Variants in ROBO2 observed in about 807,000 individuals in gnomAD.
The protein encoded by ROBO2 is roundabout homolog 2.
In ROBO2, 53 loss-of-function variants were observed where a neutral mutation model predicts 160.8. That is an observed-to-expected ratio of 0.33 (90% CI 0.26 to 0.41). ROBO2 has a LOEUF of 0.41. Among genes scored for constraint, ROBO2 ranks in the 10% least tolerant of loss-of-function variants. The probability of loss-of-function intolerance (pLI) is 1.00; values close to 1 mark genes in which losing one functional copy is unlikely to be tolerated. For synonymous variants in ROBO2, 664 were observed against 611.7 expected (o/e 1.09, Z -1.26); for missense variants, 1,577 against 1,722.4 (o/e 0.92, Z 1.49).
At chr3:77,304,702 G>A (rs1251329913) in intron 2 of ROBO2, among the ~76,000 whole-genome samples, 4 of 152,242 alleles carry the variant, frequency 2.6e-5, no homozygotes, top group African/African-American at 9.6e-5. Context: ...TTTAATAAGT[G>A]TTTTATGGAC....
At chr3:76,248,599 A>G (rs1406212951) in intron 2 of ROBO2, among the ~76,000 whole-genome samples, 1 of 151,750 alleles carries the variant, frequency 6.6e-6, no homozygotes, top group East Asian at 2.0e-4. Flanking sequence ...TATGTAACTA[A>G]CCTGCACAAT....
intron 2 of ROBO2, among the ~76,000 whole-genome samples, chr3:76,840,227 G>T (rs541406516): frequency 8.0e-4 from 120 of 150,598 alleles, no homozygotes; most frequent in African/African-American, 2.8e-3. Flanking sequence ...TCCGATTTTG[G>T]GTTTGGTTGC....
chr3:77,212,608 C>G (rs2084333976), intron 2 of ROBO2, among the ~76,000 whole-genome samples: 1 of 152,126 alleles, frequency 6.6e-6, no homozygotes. Context: ...ACTTCCAACA[C>G]TATGTTGAAT....
chr3:76,393,390 T>C (rs1199820024), intron 2 of ROBO2, among the ~76,000 whole-genome samples: 1 of 152,142 alleles, frequency 6.6e-6, no homozygotes, highest in African/African-American at 2.4e-5. Context: ...TAAAATTTCA[T>C]TGTAGAAAAT....
intron 2 of ROBO2, among the ~76,000 whole-genome samples, chr3:76,687,842 T>C (rs1197453672): frequency 6.6e-6 from 1 of 152,046 alleles, no homozygotes; most frequent in African/African-American, 2.4e-5. Context: ...CCATATTCTA[T>C]AGCCAATATT....
chr3:76,760,920 CT>C (rs1228328752), intron 2 of ROBO2, among the ~76,000 whole-genome samples: 2 of 150,236 alleles, frequency 1.3e-5, no homozygotes, highest in African/African-American at 4.9e-5. Flanking sequence ...AACCTTGTAT[CT>C]TTTTTTTATA....
chr3:77,213,284 A>G (rs1478276025), intron 2 of ROBO2, among the ~76,000 whole-genome samples: 7 of 152,038 alleles, frequency 4.6e-5, no homozygotes, highest in African/African-American at 1.4e-4. Context: ...CAGAGATTCA[A>G]CTTCTTCCTG....
chr3:77,057,569 A>ATTTTTTTTTTTTTTTTTTTTTTTT (rs71104648), intron 1 of ROBO2, among the ~76,000 whole-genome samples: 1 of 105,272 alleles, frequency 9.5e-6, no homozygotes. Flanking sequence ...ATTCCAGAGG[A>ATTTTTTTTTTTTTTTTTTTTTTTT]TTTTTTTTTT....
chr3:77,171,519 A>G (rs1035372532), intron 2 of ROBO2, among the ~76,000 whole-genome samples: 1 of 152,222 alleles, frequency 6.6e-6, no homozygotes, highest in East Asian at 1.9e-4. Flanking sequence ...TGGAAAGTAG[A>G]TATTTGTATT....
intron 2 of ROBO2, among the ~76,000 whole-genome samples, chr3:76,096,492 C>T (rs1369115805): frequency 6.6e-6 from 1 of 152,086 alleles, no homozygotes; most frequent in Non-Finnish European, 1.5e-5. Context: ...GAAGGATTTT[C>T]AGCATGATTC....
chr3:77,125,147 T>C (rs577076730), intron 2 of ROBO2, among the ~76,000 whole-genome samples: 1 of 152,308 alleles, frequency 6.6e-6, no homozygotes, highest in Non-Finnish European at 1.5e-5. Flanking sequence ...CTTTCTTTGC[T>C]ATGAAACCTG....
intron 2 of ROBO2, among the ~76,000 whole-genome samples, chr3:76,586,783 T>G (rs903696386): frequency 6.6e-6 from 1 of 152,214 alleles, no homozygotes; most frequent in East Asian, 1.9e-4. Context: ...GGTTTTACTT[T>G]AAGCTAAAGT....
intron 2 of ROBO2, among the ~76,000 whole-genome samples, chr3:76,036,724 G>C (rs961722729): frequency 2.0e-5 from 3 of 151,174 alleles, no homozygotes; most frequent in African/African-American, 7.3e-5. Context: ...GGCTGGTCTC[G>C]AACTCCCGAC....
At chr3:76,746,976 G>A (rs1189117797) in intron 2 of ROBO2, among the ~76,000 whole-genome samples, 2 of 152,014 alleles carry the variant, frequency 1.3e-5, no homozygotes, top group South Asian at 2.1e-4. Flanking sequence ...TGCAAACAAC[G>A]TGATCTTGTT....
intron 2 of ROBO2, among the ~76,000 whole-genome samples, chr3:76,509,933 T>TCA (rs34348644): frequency 0.3 from 45,533 of 151,200 alleles, 8,424 homozygotes; most frequent in East Asian, 0.41. Context: ...AAATACAGGC[T>TCA]CACACACACA....
chr3:77,580,249 T>C, intron 16 of ROBO2, 131 bp downstream of exon 17: 1 of 865,328 alleles, frequency 1.2e-6, no homozygotes, highest in Non-Finnish European at 1.9e-6. Context: ...TATTGACAAA[T>C]GGGTTAACTG....
At chr3:76,012,367 A>C (rs895025809) in intron 2 of ROBO2, among the ~76,000 whole-genome samples, 1 of 152,208 alleles carries the variant, frequency 6.6e-6, no homozygotes, top group African/African-American at 2.4e-5. Flanking sequence ...TTGGTATTTT[A>C]TACATCTGTC....
intron 2 of ROBO2, among the ~76,000 whole-genome samples, chr3:76,102,387 T>G (rs1164442468): frequency 6.6e-6 from 1 of 152,230 alleles, no homozygotes; most frequent in Non-Finnish European, 1.5e-5. Context: ...GTGACTATAC[T>G]TCTATTGGAT....
intron 1 of ROBO2, among the ~76,000 whole-genome samples, chr3:77,056,383 A>C (rs2065747890): frequency 6.6e-6 from 1 of 152,224 alleles, no homozygotes; most frequent in African/African-American, 2.4e-5. Context: ...ATTAGACAAC[A>C]AATTAAAGAC....
Sources: gnomAD v4.1 joint callset for allele counts (sites outside exome capture counted in the v4.1 genomes callset) on GRCh38, gnomAD v4.1.1 for gene constraint, MANE v1.5 for transcripts, NCBI Gene and HGNC (gene_info 2026-07-23, HGNC 2026-07-21) for gene names.